ECI1: variants seen among roughly 807,000 people sequenced by gnomAD.
The protein encoded by ECI1 is enoyl-CoA delta isomerase 1, mitochondrial.
Under a neutral mutation model 34.2 loss-of-function variants are expected in ECI1, and 34 were observed. The ratio of observed to expected loss-of-function variants is 1.00; its 90% confidence interval spans 0.76 to 1.33. The LOEUF is 1.33. Among genes scored for constraint, ECI1 ranks in the 40% most tolerant of loss-of-function variants. ECI1 has a pLI of 0.00. For synonymous variants in ECI1, 211 were observed against 193.0 expected (o/e 1.09, Z -0.77); for missense variants, 456 against 422.2 (o/e 1.08, Z -0.70).
Position 2,251,126 on chromosome 16 carries a change from A to G in ECI1, c.166+190T>C, listed in dbSNP as rs558070382. Among the ~76,000 whole-genome samples the G allele has an allele frequency of 7.9e-5, 12 of 152,318 alleles. No homozygotes were observed. In the South Asian group the frequency reaches 2.3e-3, roughly 29 times the overall value. On this transcript the variant is annotated intron_variant, in intron 2 of 6. Transcript: ENST00000301729. ...TGAGCCACCGCGCCCGGCCTCCGCC[A>G]ACTTTAAAAACAGAAACTTTTATCT...
At chr16:2,248,831 T>C (rs557816668) in intron 2 of ECI1, among the ~76,000 whole-genome samples, 1 of 152,246 alleles carries the variant, frequency 6.6e-6, no homozygotes, top group Non-Finnish European at 1.5e-5. Flanking sequence ...CCAAAAGGAA[T>C]CCCTGTCCCC....
At chr16:2,250,011 CAA>C (rs1055446258) in intron 2 of ECI1, among the ~76,000 whole-genome samples, 4 of 104,940 alleles carry the variant, frequency 3.8e-5, no homozygotes, top group Middle Eastern at 4.7e-3. Flanking sequence ...GCCTCTGTCT[CAA>C]AAAAAAAAAA....
intron 2 of ECI1, among the ~76,000 whole-genome samples, chr16:2,250,153 G>C (rs574891272): frequency 0.11 from 15,966 of 149,620 alleles, 1,108 homozygotes; most frequent in Middle Eastern, 0.16. Context: ...CAGCTATTTG[G>C]GAGGCTGAGG....
intron 6 of ECI1, among the ~76,000 whole-genome samples, chr16:2,241,464 T>G (rs1299954841): frequency 6.6e-6 from 1 of 151,828 alleles, no homozygotes; most frequent in African/African-American, 2.4e-5. Flanking sequence ...ACCCGGCTAA[T>G]TTTTGTATTT....
At position 2,249,414 on chromosome 16, in the gene ECI1, C is replaced by A. The variant is rs371014610; in HGVS notation, c.166+1902G>T. Among the ~76,000 whole-genome samples, 13 of 152,098 alleles carry A rather than the reference C, an allele frequency of 8.5e-5. 1 individual carries two copies. Among genetic ancestry groups the A allele is most frequent in the Middle Eastern group, 3.4e-3 (1 of 294 alleles). On this transcript the variant is annotated intron_variant, in intron 2 of 6. Transcript: ENST00000301729. Reference sequence around the variant, plus strand: ...GGACTACACATTGTGAATATACTTACGGCCACGGGGTTGTACATTGCAAAA... The same window carrying A: ...GGACTACACATTGTGAATATACTTAAGGCCACGGGGTTGTACATTGCAAAA...
chr16:2,243,667 G>A (rs893493899), intron 4 of ECI1, among the ~76,000 whole-genome samples: 1 of 152,202 alleles, frequency 6.6e-6, no homozygotes, highest in African/African-American at 2.4e-5. Flanking sequence ...CCTCAGCCGA[G>A]GGTCATTAGT....
Position 2,242,066 on chromosome 16 carries a change from G to A in ECI1, c.742+980C>T, listed in dbSNP as rs1184198584. ...GTAGAGACAGGGTTTCACCGTGTTA[G>A]CCAGGATGGTCTTGATCTCCTGACC... On this transcript the variant is annotated intron_variant, in intron 6 of 6. Coordinates refer to ENST00000301729, the MANE Select transcript of ECI1 (RefSeq NM_001919.4). Among the ~76,000 whole-genome samples, 4 of 152,220 alleles carry A rather than the reference G, an allele frequency of 2.6e-5. No homozygotes were observed. The South Asian group carries it at 8.3e-4, about 32-fold the overall frequency.
At chr16:2,244,350 C>A in intron 4 of ECI1, 56 bp downstream of exon 4, 1 of 1,579,522 alleles carries the variant, frequency 6.3e-7, no homozygotes, top group Non-Finnish European at 8.6e-7. Flanking sequence ...TCTGTCCCAC[C>A]CCCTGGCGCT....
chr16:2,240,022 G>A lies in ECI1; in HGVS notation c.866C>T (p.Ser289Phe). The change falls in exon 7 of 7, where the codon TCC becomes TTC. Residue 289 changes from serine to phenylalanine, a missense_variant. By Grantham distance (155) the Ser-to-Phe change is radical. Coordinates refer to ENST00000301729, the MANE Select transcript of ECI1 (RefSeq NM_001919.4). ...GAGCCTCTCTAAGTACATCTGCAGG[G>A]ACTTCTGGATGGAGTCTTTGGAGAT... ...SFISKDSIQKSLQMYLERLKE... is the reference protein window; with the variant it reads ...SFISKDSIQKFLQMYLERLKE... 6.2e-7 allele frequency: 1 copy of A among 1,614,002 alleles called. No homozygotes were observed. The highest frequency in any genetic ancestry group is 1.1e-5 in the South Asian group (1 of 91,086).
rs984973407 is a variant in ECI1 at position 2,243,583 on chromosome 16, CTGGGT to C, written c.442-149_442-145del. ...AACACCCACAATGGTCTGGGCTGGG[CTGGGT>C]GTGCACTGGGAAATGGATGAGGAAG... On this transcript the variant is annotated intron_variant, in intron 4 of 6. Transcript: ENST00000301729. The C allele has an allele frequency of 1.5e-5, 15 of 1,014,488 alleles. No individual in the cohort carries two copies. In the South Asian group the frequency reaches 1.7e-4, roughly 12 times the overall value. The allele number at this position is 1,014,488 out of a possible 1,614,324, so 62.8% of individuals were successfully genotyped here. A position where few individuals can be genotyped will look rare whatever the true frequency, so the allele number is the denominator to read the frequency against.
rs1359231190 is a variant in ECI1 at position 2,243,449 on chromosome 16, G to A, written c.442-10C>T. ...CAGCGGGGCAGGCTCCCTGCAGGGAGAGGCCGGACAGGGCTCTTAGGTGCT... is the reference window on the plus strand; with the variant it reads ...CAGCGGGGCAGGCTCCCTGCAGGGAAAGGCCGGACAGGGCTCTTAGGTGCT... On this transcript the variant is annotated splice_polypyrimidine_tract_variant and intron_variant, in intron 4 of 6. Coordinates refer to ENST00000301729, the MANE Select transcript of ECI1 (RefSeq NM_001919.4). 2 of 1,611,728 alleles carry A rather than the reference G, an allele frequency of 1.2e-6. No individual in the cohort carries two copies. The highest frequency in any genetic ancestry group is 1.7e-6 in the Non-Finnish European group (2 of 1,179,976).
At chr16:2,240,176 C>A in intron 6 of ECI1, 31 bp from the exon 7 acceptor site, 1 of 1,610,178 alleles carries the variant, frequency 6.2e-7, no homozygotes, top group Non-Finnish European at 8.5e-7. Context: ...CACTGAAATC[C>A]CACTTTCAGG....
At chr16:2,248,684 G>T (rs1313391439) in intron 2 of ECI1, among the ~76,000 whole-genome samples, 7 of 152,172 alleles carry the variant, frequency 4.6e-5, no homozygotes, top group African/African-American at 1.4e-4. Context: ...AAAGTGATGT[G>T]ATTATAGGTA....
intron 2 of ECI1, among the ~76,000 whole-genome samples, chr16:2,249,739 G>A (rs1243271244): frequency 1.3e-5 from 2 of 151,396 alleles, no homozygotes; most frequent in Non-Finnish European, 2.9e-5. Context: ...TTAGCCGGGC[G>A]TGGTGGCGGG....
rs776594701 is a variant in ECI1 at position 2,240,077 on chromosome 16, C to T, written c.811G>A (p.Asp271Asn). ...ATASRLVTQR[D>N]ADVQNFVSFI... The stretch of plus-strand genomic sequence containing the variant: ...CTGACGAAGTTCTGCACGTCCGCAT[C>T]GCGCTGCGTGACCAGGCGGCTGGCC... The change falls in exon 7 of 7, where the codon GAT becomes AAT. Residue 271 changes from aspartate to asparagine, a missense_variant. By Grantham distance (23) the Asp-to-Asn change is conservative. Transcript: ENST00000301729. The T allele has an allele frequency of 1.6e-5, 26 of 1,613,884 alleles. No homozygotes were observed. The highest frequency in any genetic ancestry group is 2.7e-5 in the African/African-American group (2 of 74,946).
At chr16:2,245,564 C>A (rs1014416170) in intron 3 of ECI1, among the ~76,000 whole-genome samples, 1 of 152,188 alleles carries the variant, frequency 6.6e-6, no homozygotes, top group Non-Finnish European at 1.5e-5. Flanking sequence ...ACGCGTTCTA[C>A]TTCCGTTACT....
At position 2,251,538 on chromosome 16, in the gene ECI1, G is replaced by A. The variant is rs778024807; in HGVS notation, c.29C>T (p.Pro10Leu). 6 of 1,560,524 alleles carry A rather than the reference G, an allele frequency of 3.8e-6. No individual in the cohort carries two copies. The highest frequency in any genetic ancestry group is 3.8e-5 in the Admixed American group (2 of 52,876). MALVASVRV[P>L]ARVLLRAGAR... ...ACCCGCGCGGAGCAGAACGCGCGCCGGGACTCGCACAGAAGCCACCAGCGC... is the reference window on the plus strand; with the variant it reads ...ACCCGCGCGGAGCAGAACGCGCGCCAGGACTCGCACAGAAGCCACCAGCGC... Residue 10 changes from proline (P) to leucine (L), a missense_variant, in exon 1 of 7, where the codon CCG becomes CTG. Transcript: ENST00000301729.
intron 6 of ECI1, chr16:2,241,156 A>AC (rs1460507298): frequency 5.1e-5 from 1 of 19,656 alleles, no homozygotes; most frequent in African/African-American, 1.6e-4. Context: ...CCATCTCAAA[A>AC]AAAATAAATA....
chr16:2,242,910 C>T (rs1183406755), intron 6 of ECI1, 136 bp downstream of exon 6: 1 of 736,446 alleles, frequency 1.4e-6, no homozygotes, highest in Non-Finnish European at 2.4e-6. Context: ...TGCGTTGTTA[C>T]AGCAGCCTCC....
Sources: allele counts gnomAD v4.1 joint callset (sites outside exome capture counted in the v4.1 genomes callset), GRCh38; gene constraint gnomAD v4.1.1; transcripts MANE v1.5; gene names NCBI Gene and HGNC (gene_info 2026-07-23, HGNC 2026-07-21).